The following NSMCE2 variants were observed in gnomAD, a reference collection of about 807,000 sequenced individuals.
NSMCE2 encodes E3 SUMO-protein ligase NSE2.
In NSMCE2, 24 loss-of-function variants were observed where a neutral mutation model predicts 23.8. That is an observed-to-expected ratio of 1.01 (90% CI 0.73 to 1.42). NSMCE2 has a LOEUF of 1.42. Among genes scored for constraint, NSMCE2 ranks in the 40% most tolerant of loss-of-function variants. NSMCE2 has a pLI of 0.00. For synonymous variants in NSMCE2, 92 were observed against 94.1 expected (o/e 0.98, Z 0.13); for missense variants, 284 against 296.5 (o/e 0.96, Z 0.31).
At chr8:125,194,180 A>G (rs935480152) in intron 5 of NSMCE2, among the ~76,000 whole-genome samples, 8 of 152,154 alleles carry the variant, frequency 5.3e-5, no homozygotes, top group African/African-American at 1.9e-4. Flanking sequence ...GGTTCTGCAC[A>G]ATCAGTTGTC....
chr8:125,326,423 ATGTATG>A (rs1202686885), intron 5 of NSMCE2, among the ~76,000 whole-genome samples: 15 of 151,670 alleles, frequency 9.9e-5, no homozygotes, highest in Non-Finnish European at 1.8e-4. Context: ...ATTTGTAGAT[ATGTATG>A]TGTGTGTCTA....
intron 5 of NSMCE2, among the ~76,000 whole-genome samples, chr8:125,216,110 A>G (rs1824569230): frequency 6.6e-6 from 1 of 152,200 alleles, no homozygotes; most frequent in Non-Finnish European, 1.5e-5. Flanking sequence ...TTCACTTCCC[A>G]CAGTGGCTTT....
At chr8:125,210,938 G>A (rs1824311447) in intron 5 of NSMCE2, among the ~76,000 whole-genome samples, 1 of 151,814 alleles carries the variant, frequency 6.6e-6, no homozygotes, top group South Asian at 2.1e-4. Context: ...TCACCATGTT[G>A]GCCAGGCTGG....
chr8:125,172,077 G>A (rs1051830183), intron 4 of NSMCE2, among the ~76,000 whole-genome samples: 2 of 152,200 alleles, frequency 1.3e-5, no homozygotes, highest in Non-Finnish European at 1.5e-5. Context: ...TATAGATGAA[G>A]AAATTGATTG....
Position 125,357,337 on chromosome 8 carries a change from T to G in NSMCE2, c.519+18T>G. On this transcript the variant is annotated intron_variant, in intron 6 of 7. Coordinates refer to ENST00000287437, the MANE Select transcript of NSMCE2 (RefSeq NM_173685.4). ...TTACAAAGGTACCGCTTCCTCCTAC[T>G]TCCCCTGAAAGAAACACGATTCACT... 6.8e-7 allele frequency: 1 copy of G among 1,477,690 alleles called. No homozygotes were observed. The highest frequency in any genetic ancestry group is 9.5e-7 in the Non-Finnish European group (1 of 1,056,230). The allele number at this position is 1,477,690 out of a possible 1,614,324, so 91.5% of individuals were successfully genotyped here.
chr8:125,304,467 C>T (rs535648803), intron 5 of NSMCE2, among the ~76,000 whole-genome samples: 5 of 152,172 alleles, frequency 3.3e-5, no homozygotes, highest in East Asian at 3.9e-4. Context: ...GGCAAGGAAA[C>T]GAGACAGCAA....
chr8:125,212,052 T>G (rs1385370573), intron 5 of NSMCE2, among the ~76,000 whole-genome samples: 1 of 152,234 alleles, frequency 6.6e-6, no homozygotes, highest in African/African-American at 2.4e-5. Flanking sequence ...AAAGTCCATC[T>G]GTCTCTATAA....
chr8:125,316,613 C>CTTTA (rs1829192287), intron 5 of NSMCE2, among the ~76,000 whole-genome samples: 1 of 126,124 alleles, frequency 7.9e-6, no homozygotes, highest in Admixed American at 9.0e-5. Flanking sequence ...TCTTTCCTTT[C>CTTTA]TTTATTTCCT....
At chr8:125,117,069 T>A (rs986774262) in intron 3 of NSMCE2, among the ~76,000 whole-genome samples, 3 of 151,994 alleles carry the variant, frequency 2.0e-5, no homozygotes, top group Admixed American at 6.6e-5. Flanking sequence ...AGAAACAATT[T>A]AGCAGAGCTT....
At chr8:125,314,481 G>A (rs565539747) in intron 5 of NSMCE2, among the ~76,000 whole-genome samples, 13 of 152,178 alleles carry the variant, frequency 8.5e-5, no homozygotes, top group South Asian at 8.3e-4. Context: ...TAGTAGAGAC[G>A]GGGTTTTGCC....
intron 5 of NSMCE2, among the ~76,000 whole-genome samples, chr8:125,221,782 T>A (rs1586632382): frequency 6.6e-6 from 1 of 152,320 alleles, no homozygotes; most frequent in Non-Finnish European, 1.5e-5. Context: ...GAAACAAAGT[T>A]TTGACTGCAT....
At chr8:125,250,572 T>G (rs1253904054) in intron 5 of NSMCE2, among the ~76,000 whole-genome samples, 1 of 152,238 alleles carries the variant, frequency 6.6e-6, no homozygotes, top group Non-Finnish European at 1.5e-5. Flanking sequence ...TTGTCTTAAA[T>G]TTTTATAGCT....
chr8:125,157,131 G>C (rs995254157), intron 4 of NSMCE2, among the ~76,000 whole-genome samples: 7 of 152,168 alleles, frequency 4.6e-5, no homozygotes, highest in African/African-American at 1.7e-4. Context: ...AAAAGAAGAA[G>C]GAGGGGGAAA....
chr8:125,326,325 C>T (rs753251108), intron 5 of NSMCE2, among the ~76,000 whole-genome samples: 1 of 151,910 alleles, frequency 6.6e-6, no homozygotes, highest in Non-Finnish European at 1.5e-5. Context: ...GGAAATGATC[C>T]CCCAAATAAA....
At chr8:125,135,719 G>A (rs1349569215) in intron 3 of NSMCE2, among the ~76,000 whole-genome samples, 2 of 152,098 alleles carry the variant, frequency 1.3e-5, no homozygotes, top group African/African-American at 4.8e-5. Flanking sequence ...AGTTGTCCAT[G>A]TAGGTATATA....
intron 7 of NSMCE2, among the ~76,000 whole-genome samples, chr8:125,366,119 T>C (rs1237517579): frequency 1.3e-5 from 2 of 152,182 alleles, no homozygotes; most frequent in African/African-American, 4.8e-5. Flanking sequence ...GTCCAGCCAG[T>C]GAAGCTGTGG....
chr8:125,173,453 A>G (rs965203282), intron 4 of NSMCE2, among the ~76,000 whole-genome samples: 1 of 152,208 alleles, frequency 6.6e-6, no homozygotes, highest in Non-Finnish European at 1.5e-5. Flanking sequence ...ACACCACCCT[A>G]TCTAATTTTA....
chr8:125,238,510 T>TA (rs1478747402), intron 5 of NSMCE2, among the ~76,000 whole-genome samples: 3 of 152,170 alleles, frequency 2.0e-5, no homozygotes, highest in Non-Finnish European at 4.4e-5. Context: ...CCTGGAATTT[T>TA]AAAAAAATTG....
At chr8:125,304,190 G>A (rs762036806) in intron 5 of NSMCE2, among the ~76,000 whole-genome samples, 9 of 152,104 alleles carry the variant, frequency 5.9e-5, no homozygotes, top group Non-Finnish European at 1.2e-4. Flanking sequence ...AGCCTCATTC[G>A]ACTCTAATCT....
Sources: allele counts gnomAD v4.1 joint callset (sites outside exome capture counted in the v4.1 genomes callset), GRCh38; gene constraint gnomAD v4.1.1; transcripts MANE v1.5; gene names NCBI Gene and HGNC (gene_info 2026-07-23, HGNC 2026-07-21).